Variants in MMP10 observed in about 807,000 individuals in gnomAD.
MMP10 encodes matrix metallopeptidase 10.
In MMP10, 50 loss-of-function variants were observed where a neutral mutation model predicts 49.1. The ratio of observed to expected loss-of-function variants is 1.02; its 90% CI spans 0.81 to 1.29. The LOEUF is 1.29. Ranked by LOEUF, MMP10 falls within the 50% of genes most tolerant of loss-of-function variation. The probability of loss-of-function intolerance (pLI) is 0.00; values close to 1 mark genes in which losing one functional copy is unlikely to be tolerated. For synonymous variants in MMP10, 229 were observed against 201.6 expected, an observed-to-expected ratio of 1.14 and a Z score of -1.15; for missense variants, 613 against 563.8, an observed-to-expected ratio of 1.09 and a Z score of -0.88.
chr11:102,772,743 T>C lies in MMP10; in HGVS notation c.1226+104A>G. 8.3e-7 allele frequency: 1 copy of C among 1,201,912 alleles called. No homozygotes were observed. Among genetic ancestry groups the C allele is most frequent in the Middle Eastern group, 2.3e-4 (1 of 4,418 alleles). The allele number at this position is 1,201,912 out of a possible 1,614,324, so 74.5% of individuals were successfully genotyped here. The stretch of plus-strand genomic sequence containing the variant: ...TCCTCATAATCATAAATTTTGAAGT[T>C]AGAGAAAGTTAGAGGGTGGGTGTAG... On this transcript the variant is annotated intron_variant, in intron 8 of 9. Transcript: ENST00000279441. This position sits in a 1 kb window ranked among gnomAD's most constrained non-coding sequence, Gnocchi z 4.4.
intron 7 of MMP10, among the ~76,000 whole-genome samples, chr11:102,774,462 A>T (rs1862002772): frequency 6.6e-6 from 1 of 152,088 alleles, no homozygotes; most frequent in Non-Finnish European, 1.5e-5. Context: ...ATATTATGAG[A>T]TTGATGAAGA....
Position 102,778,673 on chromosome 11 carries a change from A to G in MMP10, c.573T>C (p.Tyr191=), listed in dbSNP as rs1268043953. Residue 191 remains tyrosine (Y), a synonymous_variant, in exon 4 of 10, where the codon TAT becomes TAC. Transcript: ENST00000279441. Reference sequence around the variant, plus strand: ...CATCATCATCAAAGTGAATATCTCCATAAAGCCCAGGTCCAGGTGGGTAGG... The same window carrying G: ...CATCATCATCAAAGTGAATATCTCCGTAAAGCCCAGGTCCAGGTGGGTAGG... The part of the protein sequence containing the change: ...AHAYPPGPGL[Y]GDIHFDDDEK... 1.9e-6 allele frequency: 3 copies of G among 1,614,060 alleles called. No homozygotes were observed. In the Admixed American group the frequency reaches 5.0e-5, roughly 27 times the overall value.
In MMP10 at chr11:102,779,652, G is replaced by A. The variant is rs1211654348; in HGVS notation, c.199C>T (p.Gln67Ter). ...NLIVKKIQGM[Q>*]KFLGLEVTGK... ...GTCACCTCCAACCCAAGGAACTTCT[G>A]CATTCCTTGGATTTTTTTAACAATG... Residue 67 changes from glutamine to a stop codon, truncating the protein, a stop_gained, in exon 2 of 10, where the codon CAG becomes TAG. Transcript: ENST00000279441. LOFTEE classifies it high-confidence loss of function. 3.1e-6 allele frequency: 5 copies of A among 1,613,822 alleles called. No homozygotes were observed. The highest frequency in any genetic ancestry group is 3.3e-5 in the Admixed American group (2 of 59,918).
In MMP10 at chr11:102,776,713, G is replaced by A. The variant is rs755108323; in HGVS notation, c.686C>T (p.Ala229Val). The A allele has an allele frequency of 6.2e-7, 1 of 1,614,044 alleles. No individual in the cohort carries two copies. The highest frequency in any genetic ancestry group is 8.5e-7 in the Non-Finnish European group (1 of 1,179,950). ...TGGGTACATCAAAGCTTCAGTGTTGGCTGAGTGAAAGAGCCCCAGGGAGTG... is the reference window on the plus strand; with the variant it reads ...TGGGTACATCAAAGCTTCAGTGTTGACTGAGTGAAAGAGCCCCAGGGAGTG... ...LGHSLGLFHS[A>V]NTEALMYPLY... Residue 229 changes from alanine to valine, a missense_variant, in exon 5 of 10, where the codon GCC becomes GTC. Physicochemically the swap from Ala to Val is moderately conservative, Grantham distance 64. Transcript: ENST00000279441.
chr11:102,773,018 A>C lies in MMP10; in HGVS notation c.1067-12T>G. On this transcript the variant is annotated splice_polypyrimidine_tract_variant and intron_variant, in intron 7 of 9. Transcript: ENST00000279441. ...CCAGAACTCATTTCCTATTGAAAAA[A>C]TAAATCCAAGACATTTTACTTGAAG... 1 of 1,581,694 alleles carries C rather than the reference A, an allele frequency of 6.3e-7. No individual in the cohort carries two copies.
rs2134349595 is a variant in MMP10 at position 102,775,392 on chromosome 11, A to T, written c.933-71T>A. 6 of 1,279,792 alleles carry T rather than the reference A, an allele frequency of 4.7e-6. No individual in the cohort carries two copies. The South Asian group carries it at 6.6e-5, about 14-fold the overall frequency. 79.3% of individuals were successfully genotyped at this position (1,279,792 alleles called of 1,614,324 possible). ...TGTGAAAAAAAAATTCTTTTTTTTT[A>T]AATCCATGCTAATTCACCCATTCAT... On this transcript the variant is annotated intron_variant, in intron 6 of 9. Coordinates refer to ENST00000279441, the MANE Select transcript of MMP10 (RefSeq NM_002425.3).
In MMP10 at chr11:102,773,024, C is replaced by T; in HGVS notation, c.1067-18G>A. 1.9e-6 allele frequency: 3 copies of T among 1,572,918 alleles called. No individual in the cohort carries two copies. The highest frequency in any genetic ancestry group is 2.6e-6 in the Non-Finnish European group (3 of 1,163,994). ...CTCATTTCCTATTGAAAAAATAAATCCAAGACATTTTACTTGAAGCCATTG... is the reference window on the plus strand; with the variant it reads ...CTCATTTCCTATTGAAAAAATAAATTCAAGACATTTTACTTGAAGCCATTG... On this transcript the variant is annotated intron_variant, in intron 7 of 9. Coordinates refer to ENST00000279441, the MANE Select transcript of MMP10 (RefSeq NM_002425.3).
At chr11:102,780,097 T>C (rs182252100) in intron 1 of MMP10, among the ~76,000 whole-genome samples, 33 of 152,346 alleles carry the variant, frequency 2.2e-4, no homozygotes, top group African/African-American at 7.9e-4. Context: ...TAAACTCTTT[T>C]GTCCAAATAT....
chr11:102,779,756 A>G lies in MMP10; in HGVS notation c.106-11T>C. 6.3e-7 allele frequency: 1 copy of G among 1,595,236 alleles called. No individual in the cohort carries two copies. The highest frequency in any genetic ancestry group is 1.3e-5 in the African/African-American group (1 of 74,414). On this transcript the variant is annotated splice_polypyrimidine_tract_variant and intron_variant, in intron 1 of 9. Transcript: ENST00000279441. The stretch of plus-strand genomic sequence containing the variant: ...CTTTTCTAGGTATTGCTAATGGAAA[A>G]TAGAATTTTTAGGGCATTTTTGTGA...
chr11:102,777,805 C>A (rs1453234138), intron 4 of MMP10, among the ~76,000 whole-genome samples: 3 of 152,078 alleles, frequency 2.0e-5, no homozygotes, highest in Non-Finnish European at 2.9e-5. Context: ...TCATTTCATG[C>A]AACACAAACT....
chr11:102,778,866 GT>G lies in MMP10; in HGVS notation c.497-118del. 2.4e-6 allele frequency: 3 copies of G among 1,251,804 alleles called. No homozygotes were observed. The South Asian group carries it at 3.9e-5, about 16-fold the overall frequency. 77.5% of individuals were successfully genotyped at this position (1,251,804 alleles called of 1,614,324 possible). On this transcript the variant is annotated intron_variant, in intron 3 of 9. Transcript: ENST00000279441. Reference sequence around the variant, plus strand: ...GTTGGTGTCTGCTGCAAATTCATATGTTGAAACTCAATGCCCAATGAAATAT... The same window carrying G: ...GTTGGTGTCTGCTGCAAATTCATATGTGAAACTCAATGCCCAATGAAATAT...
At chr11:102,774,387 T>C (rs1406658765) in intron 7 of MMP10, among the ~76,000 whole-genome samples, 1 of 151,798 alleles carries the variant, frequency 6.6e-6, no homozygotes, top group Non-Finnish European at 1.5e-5. Flanking sequence ...GAAATCAAAA[T>C]ATAATATAGA....
chr11:102,780,161 G>C (rs1857806681), intron 1 of MMP10, among the ~76,000 whole-genome samples: 1 of 152,106 alleles, frequency 6.6e-6, no homozygotes, highest in South Asian at 2.1e-4. Flanking sequence ...ATCAAACTTA[G>C]CATGCTCCCC....
intron 4 of MMP10, 69 bp downstream of exon 4, chr11:102,778,555 A>G (rs1029339115): frequency 1.9e-5 from 30 of 1,582,540 alleles, no homozygotes; most frequent in Non-Finnish European, 2.6e-5. Flanking sequence ...CTCGTTCTAG[A>G]TAATCCAATT....
chr11:102,771,962 T>C, intron 9 of MMP10, 50 bp downstream of exon 9: 1 of 1,137,486 alleles, frequency 8.8e-7, no homozygotes, highest in East Asian at 2.4e-5. Flanking sequence ...TTTGAAATCA[T>C]AAAAATGCCT....
chr11:102,776,781 A>G lies in MMP10; in HGVS notation c.623-5T>C, dbSNP rs759727116. ...CAACGAGGAATAAATTGGTGCCTGT[A>G]TGAAAATCATAAATGTTCAGAATTC... On this transcript the variant is annotated splice_polypyrimidine_tract_variant and splice_region_variant and intron_variant, in intron 4 of 9. Coordinates refer to ENST00000279441, the MANE Select transcript of MMP10 (RefSeq NM_002425.3). 8 of 1,613,708 alleles carry G rather than the reference A, an allele frequency of 5.0e-6. No individual in the cohort carries two copies. The highest frequency in any genetic ancestry group is 5.9e-6 in the Non-Finnish European group (7 of 1,179,906).
At chr11:102,778,509 T>C in intron 4 of MMP10, 115 bp downstream of exon 4, 1 of 1,312,798 alleles carries the variant, frequency 7.6e-7, no homozygotes, top group Non-Finnish European at 1.0e-6. Context: ...ACTCAGGTAA[T>C]AAAAAAATTC....
chr11:102,773,678 G>C (rs1358384677), intron 7 of MMP10, among the ~76,000 whole-genome samples: 1 of 152,164 alleles, frequency 6.6e-6, no homozygotes, highest in Non-Finnish European at 1.5e-5. Flanking sequence ...CTTTCTTAAA[G>C]ACCTTTCTAC....
rs762027493 is a variant in MMP10 at position 102,778,784 on chromosome 11, T to G, written c.497-35A>C. The G allele has an allele frequency of 4.3e-6, 7 of 1,609,798 alleles. No individual in the cohort carries two copies. The South Asian group carries it at 4.4e-5, about 10-fold the overall frequency. ...AACAAATTAATGGAAATATAAGTGT[T>G]CAGAATTTCTTTTTACCCTGTTCCA... On this transcript the variant is annotated intron_variant, in intron 3 of 9. Transcript: ENST00000279441.
Sources: gnomAD v4.1 joint callset for allele counts (sites outside exome capture counted in the v4.1 genomes callset) on GRCh38, gnomAD v4.1.1 for gene constraint, Gnocchi (gnomAD v3.1) non-coding constraint, MANE v1.5 for transcripts, NCBI Gene and HGNC (gene_info 2026-07-23, HGNC 2026-07-21) for gene names.